Variants in KCNK2 observed in about 807,000 individuals in gnomAD.
KCNK2 encodes potassium two pore domain channel subfamily K member 2, also known as potassium channel subfamily K member 2.
Under a neutral mutation model 40.5 loss-of-function variants are expected in KCNK2, and 21 were observed. The ratio of observed to expected loss-of-function variants is 0.52; its 90% CI spans 0.37 to 0.75. The LOEUF (loss-of-function observed/expected upper bound fraction) is 0.75, where lower values mean the gene tolerates loss of function less well. Ranked by LOEUF, KCNK2 falls within the 30% of genes least tolerant of loss-of-function variation. The pLI is 0.00. For synonymous variants in KCNK2, 191 were observed against 202.2 expected (o/e 0.94, Z 0.47); for missense variants, 399 against 531.6 (o/e 0.75, Z 2.45).
At chr1:215,007,035 ATATGTG>A (rs1443827065) in intron 1 of KCNK2, among the ~76,000 whole-genome samples, 1 of 56,636 alleles carries the variant, frequency 1.8e-5, no homozygotes, top group Non-Finnish European at 3.8e-5. Flanking sequence ...ATATATATAT[ATATGTG>A]TGTGTGTGTA....
At chr1:215,207,303 T>C (rs1052733693) in intron 6 of KCNK2, among the ~76,000 whole-genome samples, 2 of 152,088 alleles carry the variant, frequency 1.3e-5, no homozygotes, top group African/African-American at 4.8e-5. Flanking sequence ...GCGGGAACCC[T>C]ATTGTGAACT....
intron 6 of KCNK2, among the ~76,000 whole-genome samples, chr1:215,218,874 C>A (rs1666059749): frequency 6.6e-6 from 1 of 152,070 alleles, no homozygotes; most frequent in Non-Finnish European, 1.5e-5. Context: ...AAAATGTGTG[C>A]AAAAGTACAA....
intron 1 of KCNK2, among the ~76,000 whole-genome samples, chr1:215,085,952 C>A (rs542530917): frequency 2.0e-5 from 3 of 152,026 alleles, no homozygotes; most frequent in African/African-American, 7.2e-5. Context: ...TTCTTGAGAA[C>A]GAGAATAACC....
intron 5 of KCNK2, among the ~76,000 whole-genome samples, chr1:215,187,309 G>C: frequency 6.6e-6 from 1 of 152,116 alleles, no homozygotes; most frequent in East Asian, 1.9e-4. Flanking sequence ...TGGCAAAATT[G>C]TATGTGAGAA....
chr1:215,232,742 G>T (rs1371598512), intron 6 of KCNK2, among the ~76,000 whole-genome samples: 1 of 152,184 alleles, frequency 6.6e-6, no homozygotes, highest in African/African-American at 2.4e-5. Flanking sequence ...AAAGTAAAGT[G>T]GTGGCGGGTT....
At chr1:215,006,304 C>G (rs1480522096) in intron 1 of KCNK2, among the ~76,000 whole-genome samples, 1 of 152,178 alleles carries the variant, frequency 6.6e-6, no homozygotes, top group Admixed American at 6.5e-5. Flanking sequence ...ACTTTGGTTT[C>G]ATGCTGTGGT....
At chr1:215,028,268 C>G (rs1230580335) in intron 1 of KCNK2, among the ~76,000 whole-genome samples, 1 of 151,966 alleles carries the variant, frequency 6.6e-6, no homozygotes. Context: ...GTCTGTAATC[C>G]CAGTTACTCA....
At chr1:215,177,591 C>A (rs1456951748) in intron 5 of KCNK2, among the ~76,000 whole-genome samples, 2 of 151,464 alleles carry the variant, frequency 1.3e-5, no homozygotes, top group Middle Eastern at 3.2e-3. Context: ...GCTATCCCAG[C>A]ACCATTTATT....
chr1:215,026,811 C>CATGTGT (rs1657016092), intron 1 of KCNK2, among the ~76,000 whole-genome samples: 1 of 151,740 alleles, frequency 6.6e-6, no homozygotes. Flanking sequence ...AGAATGACAT[C>CATGTGT]ATGTGTATGT....
chr1:215,158,400 TC>T (rs1663024736), intron 3 of KCNK2, among the ~76,000 whole-genome samples: 1 of 152,154 alleles, frequency 6.6e-6, no homozygotes, highest in African/African-American at 2.4e-5. Flanking sequence ...CATAGCGGCC[TC>T]CAGGGTAAAT....
At chr1:215,163,384 T>C (rs1156587189) in intron 3 of KCNK2, among the ~76,000 whole-genome samples, 2 of 152,198 alleles carry the variant, frequency 1.3e-5, no homozygotes, top group South Asian at 2.1e-4. Context: ...TTTGGCTTCC[T>C]CTTTTCCTAC....
At chr1:215,127,358 T>C (rs1661481750) in intron 3 of KCNK2, among the ~76,000 whole-genome samples, 1 of 152,230 alleles carries the variant, frequency 6.6e-6, no homozygotes, top group Admixed American at 6.5e-5. Flanking sequence ...GACCAAAGTT[T>C]AGAATTCTCT....
intron 1 of KCNK2, among the ~76,000 whole-genome samples, chr1:215,006,339 A>G (rs1558053584): frequency 6.6e-6 from 1 of 152,190 alleles, no homozygotes; most frequent in African/African-American, 2.4e-5. Flanking sequence ...ATTTGTTCAT[A>G]TACAGATTTA....
intron 1 of KCNK2, among the ~76,000 whole-genome samples, chr1:215,038,455 C>A (rs776923945): frequency 6.6e-6 from 1 of 152,116 alleles, no homozygotes; most frequent in Non-Finnish European, 1.5e-5. Flanking sequence ...GGAGTAGCCC[C>A]TTCCATTTTC....
intron 1 of KCNK2, among the ~76,000 whole-genome samples, chr1:215,071,915 G>A (rs1239632651): frequency 6.6e-6 from 1 of 152,158 alleles, no homozygotes; most frequent in African/African-American, 2.4e-5. Context: ...GGCAAGTGAG[G>A]CCAACTTGTG....
chr1:215,009,005 T>G (rs1656283788), intron 1 of KCNK2, among the ~76,000 whole-genome samples: 1 of 152,160 alleles, frequency 6.6e-6, no homozygotes, highest in Admixed American at 6.5e-5. Flanking sequence ...TGCTAATTGA[T>G]TTTCCCTTTC....
chr1:215,043,237 G>A lies in KCNK2; in HGVS notation c.34+37282G>A, dbSNP rs145168226. Among the ~76,000 whole-genome samples, 351 of 152,238 alleles carry A rather than the reference G, an allele frequency of 2.3e-3. 1 individual carries two copies. Among genetic ancestry groups the A allele is most frequent in the African/African-American group, 8.2e-3 (341 of 41,540 alleles). ...ATATAGCTGCTGTGAAAAACAGTAC[G>A]GTAGTTCCTCAAAAAACTATACATA... On this transcript the variant is annotated intron_variant, in intron 1 of 6. Coordinates refer to the KCNK2 transcript ENST00000391895.
intron 3 of KCNK2, among the ~76,000 whole-genome samples, chr1:215,127,376 T>A (rs889519925): frequency 4.1e-4 from 63 of 152,210 alleles, no homozygotes; most frequent in Non-Finnish European, 1.5e-4. Context: ...TCTTCATATA[T>A]CTAAACATCC....
At chr1:215,107,669 G>T (rs1660490531) in intron 2 of KCNK2, among the ~76,000 whole-genome samples, 2 of 151,898 alleles carry the variant, frequency 1.3e-5, no homozygotes, top group African/African-American at 4.8e-5. Flanking sequence ...CAAGTCCTTA[G>T]CCCATTTTAA....
Sources: gnomAD v4.1 joint callset for allele counts (sites outside exome capture counted in the v4.1 genomes callset) on GRCh38, gnomAD v4.1.1 for gene constraint, MANE v1.5 for transcripts, NCBI Gene and HGNC (gene_info 2026-07-23, HGNC 2026-07-21) for gene names.